ZFAT: variants seen among roughly 807,000 people sequenced by gnomAD.
ZFAT encodes zinc finger protein ZFAT.
A neutral mutation model predicts 117.7 loss-of-function variants in ZFAT; 64 were observed. That is an observed-to-expected ratio of 0.54 (90% CI 0.44 to 0.67). The LOEUF (loss-of-function observed/expected upper bound fraction) is 0.67, where lower values mean the gene tolerates loss of function less well. Among genes scored for constraint, ZFAT ranks in the 30% least tolerant of loss-of-function variants. The probability of loss-of-function intolerance (pLI) is 0.00; values close to 1 mark genes in which losing one functional copy is unlikely to be tolerated. For synonymous variants in ZFAT, 679 were observed against 615.0 expected (o/e 1.10, Z -1.54); for missense variants, 1,433 against 1,584.5 (o/e 0.90, Z 1.62).
At chr8:134,830,838 TA>T in the ZFAT span, among the ~76,000 whole-genome samples, 1 of 152,248 alleles carries the variant, frequency 6.6e-6, no homozygotes, top group Admixed American at 6.5e-5. Flanking sequence ...CCACAGCTAG[TA>T]CCTGATTTAG....
intron 3 of ZFAT, among the ~76,000 whole-genome samples, chr8:134,628,463 G>C (rs1375966043): frequency 1.3e-5 from 2 of 152,146 alleles, no homozygotes; most frequent in Non-Finnish European, 2.9e-5. Flanking sequence ...GTGTCACAAA[G>C]GGGTGCGTTC....
chr8:134,798,550 C>T, the ZFAT span, among the ~76,000 whole-genome samples: 6 of 152,052 alleles, frequency 3.9e-5, no homozygotes, highest in African/African-American at 1.4e-4. Context: ...GAATGTTTCA[C>T]TGCATTAATT....
chr8:134,804,633 G>A, the ZFAT span, among the ~76,000 whole-genome samples: 15 of 152,198 alleles, frequency 9.9e-5, no homozygotes, highest in South Asian at 2.3e-3. Flanking sequence ...AGGAATAGGC[G>A]GTGACACTTT....
At chr8:134,531,866 G>C (rs1327623247) in intron 12 of ZFAT, among the ~76,000 whole-genome samples, 1 of 152,200 alleles carries the variant, frequency 6.6e-6, no homozygotes, top group Non-Finnish European at 1.5e-5. Flanking sequence ...CTATTACAGC[G>C]AGCGGAGCTT....
intron 15 of ZFAT, among the ~76,000 whole-genome samples, chr8:134,507,789 C>G (rs915323480): frequency 6.6e-6 from 1 of 152,152 alleles, no homozygotes; most frequent in African/African-American, 2.4e-5. Context: ...CAAGTCACAA[C>G]CAGAAGCACC....
chr8:134,687,919 T>C (rs544644688), intron 1 of ZFAT, among the ~76,000 whole-genome samples: 8 of 152,220 alleles, frequency 5.3e-5, no homozygotes, highest in African/African-American at 1.9e-4. Flanking sequence ...GTTTCTGAAG[T>C]AAAGGGCTGC....
the ZFAT span, among the ~76,000 whole-genome samples, chr8:134,763,312 C>T: frequency 2.0e-5 from 3 of 152,162 alleles, no homozygotes; most frequent in African/African-American, 7.2e-5. Flanking sequence ...CCCTTTCACT[C>T]GGTTCCCCTA....
chr8:134,568,155 A>T (rs1824613290), intron 10 of ZFAT, among the ~76,000 whole-genome samples: 1 of 152,266 alleles, frequency 6.6e-6, no homozygotes, highest in Non-Finnish European at 1.5e-5. Flanking sequence ...CAATAACAGC[A>T]GCAAAAGGAA....
At chr8:134,532,311 G>A (rs866622893) in intron 12 of ZFAT, among the ~76,000 whole-genome samples, 4 of 151,802 alleles carry the variant, frequency 2.6e-5, no homozygotes, top group Non-Finnish European at 4.4e-5. Flanking sequence ...CTATAAATAT[G>A]CCTACAATAG....
At chr8:134,616,885 C>T (rs929985066) in intron 3 of ZFAT, among the ~76,000 whole-genome samples, 2 of 152,148 alleles carry the variant, frequency 1.3e-5, no homozygotes, top group Admixed American at 1.3e-4. Flanking sequence ...TCCCTAAAAT[C>T]ACTCATAAAA....
At position 134,590,247 on chromosome 8, in the gene ZFAT, C is replaced by T. The variant is rs778454850; in HGVS notation, c.2563+21G>A. The T allele has an allele frequency of 7.6e-6, 12 of 1,587,664 alleles. No homozygotes were observed. The South Asian group carries it at 1.0e-4, about 13-fold the overall frequency. The stretch of plus-strand genomic sequence containing the variant: ...AAGCATTTTTAACATTAATCTTCCA[C>T]TCCAAAATGCACAACCTTACCAGGA... On this transcript the variant is annotated intron_variant, in intron 8 of 15. Coordinates refer to ENST00000377838, the MANE Select transcript of ZFAT (RefSeq NM_020863.4).
the ZFAT span, among the ~76,000 whole-genome samples, chr8:134,738,086 G>A: frequency 6.6e-6 from 1 of 152,154 alleles, no homozygotes; most frequent in African/African-American, 2.4e-5. Context: ...CTCAGTTCCT[G>A]TAGTCTAGTG....
At position 134,583,868 on chromosome 8, in the gene ZFAT, T is replaced by C. The variant is rs1226966379; in HGVS notation, c.2851A>G (p.Thr951Ala). Residue 951 changes from threonine to alanine, a missense_variant, in exon 10 of 16, where the codon ACA becomes GCA. Physicochemically the swap from Thr to Ala is moderately conservative, Grantham distance 58. Around this residue, in one of 5 missense-constraint regions of ZFAT, gnomAD observed 503 missense variants for 543.4 expected, o/e 0.93. Transcript: ENST00000377838. Reference sequence around the variant, plus strand: ...TGAAGGAGTTTGTGACTTTTCAGTGTCCCTTTTGATTTGAATTTCTTGCCA... The same window carrying C: ...TGAAGGAGTTTGTGACTTTTCAGTGCCCCTTTTGATTTGAATTTCTTGCCA... ...MCGKKFKSKG[T>A]LKSHKLLHTA... 1.2e-6 allele frequency: 2 copies of C among 1,613,348 alleles called. No individual in the cohort carries two copies. The highest frequency in any genetic ancestry group is 4.5e-5 in the East Asian group (2 of 44,888).
the ZFAT span, among the ~76,000 whole-genome samples, chr8:134,750,685 G>T: frequency 6.6e-6 from 1 of 152,198 alleles, no homozygotes; most frequent in Non-Finnish European, 1.5e-5. Flanking sequence ...AGGATTGCTT[G>T]AGCCTGGGAT....
At chr8:134,745,651 G>T in the ZFAT span, among the ~76,000 whole-genome samples, 1 of 152,176 alleles carries the variant, frequency 6.6e-6, no homozygotes, top group Non-Finnish European at 1.5e-5. Context: ...AGGCAGAGGA[G>T]CTTTTATCAG....
the ZFAT span, among the ~76,000 whole-genome samples, chr8:134,770,258 T>G: frequency 1.3e-5 from 2 of 152,124 alleles, no homozygotes; most frequent in Non-Finnish European, 2.9e-5. Context: ...CTCATAAAAC[T>G]GAATTGTTGC....
intron 13 of ZFAT, among the ~76,000 whole-genome samples, chr8:134,514,088 A>G (rs1288503719): frequency 6.6e-6 from 1 of 152,190 alleles, no homozygotes; most frequent in Non-Finnish European, 1.5e-5. Flanking sequence ...GTTGCAAGGC[A>G]TTCCTGGGAG....
chr8:134,487,244 C>T lies in ZFAT; in HGVS notation c.3493-8523G>A, dbSNP rs1286680276. On this transcript the variant is annotated intron_variant, in intron 15 of 15. Transcript: ENST00000377838. ...AGACATCTCTCCTGGCTCATGCTTC[C>T]TTTCCTTCTTTCTCTTCTGTAGCCT... 3.3e-5 allele frequency among the ~76,000 whole-genome samples: 5 copies of T among 152,300 alleles called. No homozygotes were observed. In the Middle Eastern group the frequency reaches 0.014, roughly 414 times the overall value.
chr8:134,743,681 A>G, the ZFAT span, among the ~76,000 whole-genome samples: 1 of 152,142 alleles, frequency 6.6e-6, no homozygotes, highest in Admixed American at 6.5e-5. Context: ...TGCTTTTCAC[A>G]GTCTCACAGA....
Sources: gnomAD v4.1 joint callset for allele counts (sites outside exome capture counted in the v4.1 genomes callset) on GRCh38, gnomAD v4.1.1 for gene constraint, gnomAD v4.1.1 regional missense constraint, MANE v1.5 for transcripts, NCBI Gene and HGNC (gene_info 2026-07-23, HGNC 2026-07-21) for gene names.